Variants in THSD7B observed in about 807,000 individuals in gnomAD.
THSD7B encodes the protein thrombospondin type 1 domain containing 7B, also known as thrombospondin type-1 domain-containing protein 7B.
THSD7B carries 138 observed loss-of-function variants against 213.6 expected under a neutral mutation model. That is an observed-to-expected ratio of 0.65 (90% confidence interval 0.56 to 0.74). The LOEUF (loss-of-function observed/expected upper bound fraction) is 0.74, where lower values mean the gene tolerates loss of function less well. Among genes scored for constraint, THSD7B ranks in the 30% least tolerant of loss-of-function variants. THSD7B has a pLI of 0.00. For synonymous variants in THSD7B, 742 were observed against 687.0 expected (o/e 1.08, Z -1.25); for missense variants, 1,931 against 1,991.5 (o/e 0.97, Z 0.58).
In THSD7B at chr2:137,508,675, A is replaced by C. The variant is rs571107398; in HGVS notation, c.3139-54546A>C. On this transcript the variant is annotated intron_variant, in intron 15 of 27. Transcript: ENST00000409968. ...AAGTGCTGGGATTACCGGCTAAATA[A>C]AACAATTTTAAACTAAATTAGTTAA... 8.6e-5 allele frequency among the ~76,000 whole-genome samples: 13 copies of C among 151,936 alleles called. No homozygotes were observed. The South Asian group carries it at 2.7e-3, about 32-fold the overall frequency.
chr2:137,154,650 T>A (rs1177229848), intron 5 of THSD7B, among the ~76,000 whole-genome samples: 1 of 152,174 alleles, frequency 6.6e-6, no homozygotes, highest in Non-Finnish European at 1.5e-5. Flanking sequence ...ATTTCTCGGT[T>A]AATTCAAATT....
intron 5 of THSD7B, among the ~76,000 whole-genome samples, chr2:137,141,813 C>T (rs968708363): frequency 1.1e-4 from 17 of 152,024 alleles, no homozygotes; most frequent in African/African-American, 3.1e-4. Flanking sequence ...GCCTACTCCC[C>T]GTGCCCCACA....
chr2:136,853,088 T>TG (rs1683126726), intron 1 of THSD7B, among the ~76,000 whole-genome samples: 1 of 151,802 alleles, frequency 6.6e-6, no homozygotes, highest in Non-Finnish European at 1.5e-5. Flanking sequence ...GTGCGTGTGT[T>TG]TGTGAATACT....
At chr2:137,189,433 G>A (rs1026417882) in intron 7 of THSD7B, among the ~76,000 whole-genome samples, 4 of 152,046 alleles carry the variant, frequency 2.6e-5, no homozygotes, top group African/African-American at 4.8e-5. Flanking sequence ...TTCGCTCTAG[G>A]CCCTGCTCTT....
chr2:137,114,611 G>A (rs1688412342), intron 4 of THSD7B, among the ~76,000 whole-genome samples: 1 of 152,202 alleles, frequency 6.6e-6, no homozygotes, highest in South Asian at 2.1e-4. Flanking sequence ...ATGACATGAA[G>A]TCAAATGAGT....
At chr2:137,428,379 A>C (rs538664570) in intron 14 of THSD7B, among the ~76,000 whole-genome samples, 1 of 152,306 alleles carries the variant, frequency 6.6e-6, no homozygotes, top group African/African-American at 2.4e-5. Flanking sequence ...AGCTGCTTTG[A>C]AAAATCATCA....
At chr2:136,980,339 A>T (rs1685553184) in intron 2 of THSD7B, among the ~76,000 whole-genome samples, 1 of 152,170 alleles carries the variant, frequency 6.6e-6, no homozygotes, top group South Asian at 2.1e-4. Flanking sequence ...CAGAGCCACC[A>T]GGTGGGAAAA....
At chr2:136,983,517 T>C (rs1428344196) in intron 2 of THSD7B, among the ~76,000 whole-genome samples, 1 of 151,194 alleles carries the variant, frequency 6.6e-6, no homozygotes, top group Non-Finnish European at 1.5e-5. Flanking sequence ...TTTTTTTTTT[T>C]CTGAGGAGTA....
chr2:137,041,746 A>G (rs1410919917), intron 2 of THSD7B, among the ~76,000 whole-genome samples: 1 of 151,878 alleles, frequency 6.6e-6, no homozygotes, highest in Non-Finnish European at 1.5e-5. Context: ...GATTCATGTA[A>G]TGTTCTTGGC....
chr2:137,135,784 G>A (rs1319109787), intron 5 of THSD7B, among the ~76,000 whole-genome samples: 3 of 151,926 alleles, frequency 2.0e-5, no homozygotes, highest in Non-Finnish European at 2.9e-5. Flanking sequence ...ACAATGATTT[G>A]ATGAGAAATG....
chr2:136,800,772 C>CAGAG (rs146528799), intron 1 of THSD7B, among the ~76,000 whole-genome samples: 3,390 of 146,838 alleles, frequency 0.023, 98 homozygotes, highest in African/African-American at 0.069. Flanking sequence ...AATGGTAAGG[C>CAGAG]AGAGAGAGAG....
intron 1 of THSD7B, among the ~76,000 whole-genome samples, chr2:136,803,945 G>A (rs1281917629): frequency 1.3e-5 from 2 of 152,130 alleles, no homozygotes; most frequent in Admixed American, 1.3e-4. Context: ...ACTGGACGAG[G>A]CCCAGTGACA....
chr2:137,647,417 C>T (rs1683054214), intron 21 of THSD7B, among the ~76,000 whole-genome samples: 1 of 148,564 alleles, frequency 6.7e-6, no homozygotes, highest in South Asian at 2.2e-4. Context: ...CTCTCTCTGT[C>T]TCTTTCTCTC....
At chr2:137,101,748 CCT>C (rs769814916) in intron 4 of THSD7B, among the ~76,000 whole-genome samples, 9 of 152,146 alleles carry the variant, frequency 5.9e-5, no homozygotes, top group Non-Finnish European at 1.3e-4. Context: ...GTGGTTTTCC[CCT>C]CACAGTGTAA....
chr2:136,783,842 A>G (rs1434487373), intron 1 of THSD7B, among the ~76,000 whole-genome samples: 1 of 152,050 alleles, frequency 6.6e-6, no homozygotes, highest in Non-Finnish European at 1.5e-5. Flanking sequence ...TCAACAAGTT[A>G]GTTAATCAGT....
intron 5 of THSD7B, among the ~76,000 whole-genome samples, chr2:137,140,606 G>A (rs1203210390): frequency 7.0e-6 from 1 of 142,872 alleles, no homozygotes; most frequent in African/African-American, 2.5e-5. Context: ...TTAATTTTTT[G>A]CCAACTGGAT....
At chr2:137,127,754 C>G (rs1271307479) in intron 5 of THSD7B, among the ~76,000 whole-genome samples, 3 of 151,874 alleles carry the variant, frequency 2.0e-5, no homozygotes, top group African/African-American at 7.3e-5. Context: ...CCATCTCTAC[C>G]AAAAATACAG....
At position 136,828,421 on chromosome 2, in the gene THSD7B, A is replaced by T. The variant is rs188733230; in HGVS notation, c.-35-53723A>T. 9.7e-4 allele frequency among the ~76,000 whole-genome samples: 148 copies of T among 152,262 alleles called. 2 individuals carry two copies. Among genetic ancestry groups the T allele is most frequent in the Admixed American group, 8.7e-3 (133 of 15,294 alleles). On this transcript the variant is annotated intron_variant, in intron 1 of 27. Coordinates refer to ENST00000409968, the MANE Select transcript of THSD7B (RefSeq NM_001316349.2). ...AGCCACCATCCTAGTCAAACATGTCATCATTTCTTACCTGGTCTGTGAAGT... is the reference window on the plus strand; with the variant it reads ...AGCCACCATCCTAGTCAAACATGTCTTCATTTCTTACCTGGTCTGTGAAGT...
At chr2:137,364,427 T>C (rs1685355875) in intron 12 of THSD7B, among the ~76,000 whole-genome samples, 1 of 152,140 alleles carries the variant, frequency 6.6e-6, no homozygotes, top group Non-Finnish European at 1.5e-5. Flanking sequence ...ATAAAGGGGA[T>C]TCAATTAGGA....
Sources: gnomAD v4.1 joint callset for allele counts (sites outside exome capture counted in the v4.1 genomes callset) on GRCh38, gnomAD v4.1.1 for gene constraint, MANE v1.5 for transcripts, NCBI Gene and HGNC (gene_info 2026-07-23, HGNC 2026-07-21) for gene names.